NME5: variants seen among roughly 807,000 people sequenced by gnomAD.
NME5 encodes nucleoside diphosphate kinase 5.
NME5 carries 18 observed loss-of-function variants against 21.6 expected under a neutral mutation model. The observed-to-expected ratio is 0.83, with a 90% CI of 0.58 to 1.24. The LOEUF (loss-of-function observed/expected upper bound fraction) is 1.24, where lower values mean the gene tolerates loss of function less well. Among genes scored for constraint, NME5 ranks in the 50% most tolerant of loss-of-function variants. The pLI, the probability that NME5 is intolerant of heterozygous loss-of-function variation, is 0.00. For synonymous variants in NME5, 70 were observed against 80.6 expected (o/e 0.87, Z 0.71); for missense variants, 223 against 255.4 (o/e 0.87, Z 0.86).
chr5:138,133,835 G>A (rs1224325415), intron 2 of NME5, among the ~76,000 whole-genome samples: 1 of 152,174 alleles, frequency 6.6e-6, no homozygotes, highest in Admixed American at 6.5e-5. Flanking sequence ...ATGGGGAAGA[G>A]GGAAGCAACG....
rs1338292904 is a variant in NME5 at position 138,129,404 on chromosome 5, A to C, written c.194T>G (p.Met65Arg). ...SNFYVEKYGK[M>R]FFPNLTAYMS... The stretch of plus-strand genomic sequence containing the variant: ...GTAAGCTGTTAAGTTGGGGAAAAAC[A>C]TTTTTCCATACTTTTCCACATAAAA... Residue 65 changes from methionine to arginine, a missense_variant, in exon 3 of 6, where the codon ATG becomes AGG. By Grantham distance (91) the Met-to-Arg change is moderately conservative. Coordinates refer to ENST00000265191, the MANE Select transcript of NME5 (RefSeq NM_003551.3). 3 of 1,613,886 alleles carry C rather than the reference A, an allele frequency of 1.9e-6. No homozygotes were observed. The highest frequency in any genetic ancestry group is 2.5e-6 in the Non-Finnish European group (3 of 1,179,956).
intron 4 of NME5, among the ~76,000 whole-genome samples, chr5:138,119,338 C>A (rs886279127): frequency 2.0e-5 from 3 of 151,770 alleles, no homozygotes; most frequent in African/African-American, 7.3e-5. Flanking sequence ...CCTAAGTAGA[C>A]AGGAGTGTGC....
intron 5 of NME5, among the ~76,000 whole-genome samples, chr5:138,117,528 A>G (rs1751188378): frequency 6.6e-6 from 1 of 152,168 alleles, no homozygotes; most frequent in Non-Finnish European, 1.5e-5. Flanking sequence ...CAGTTTAAAA[A>G]TGGGCAAAGG....
At chr5:138,125,888 A>C (rs1335594637) in intron 4 of NME5, among the ~76,000 whole-genome samples, 1 of 152,224 alleles carries the variant, frequency 6.6e-6, no homozygotes, top group African/African-American at 2.4e-5. Context: ...TGTTGTGATC[A>C]CAGTTGTGAG....
At chr5:138,116,597 C>A (rs1020481353) in intron 5 of NME5, 1 of 152,102 alleles carries the variant, frequency 6.6e-6, no homozygotes, top group African/African-American at 2.4e-5. Flanking sequence ...AGCACATATA[C>A]CAAAACTGGA....
chr5:138,130,512 G>A (rs1029058924), intron 2 of NME5, among the ~76,000 whole-genome samples: 2 of 152,188 alleles, frequency 1.3e-5, no homozygotes, highest in Non-Finnish European at 2.9e-5. Flanking sequence ...AATTAGGCCA[G>A]GCATGGTGGC....
intron 2 of NME5, among the ~76,000 whole-genome samples, chr5:138,135,270 A>T (rs1751671095): frequency 7.1e-6 from 1 of 140,920 alleles, no homozygotes; most frequent in Non-Finnish European, 1.5e-5. Flanking sequence ...GTGAGCCGAG[A>T]TTGCGCCACT....
chr5:138,138,539 CTT>C, intron 2 of NME5, 111 bp downstream of exon 2: 2 of 873,756 alleles, frequency 2.3e-6, no homozygotes, highest in African/African-American at 1.7e-5. Context: ...GAAGAATAAA[CTT>C]AAATTTAATG....
chr5:138,127,754 G>A (rs1168115392), intron 4 of NME5: 2 of 855,602 alleles, frequency 2.3e-6, no homozygotes, highest in African/African-American at 1.8e-5. Context: ...TCAATTGCAT[G>A]AGACTTTGTT....
intron 5 of NME5, 87 bp from the exon 6 acceptor site, chr5:138,115,851 G>A: frequency 2.4e-6 from 2 of 819,326 alleles, no homozygotes; most frequent in Middle Eastern, 2.6e-4. Context: ...AACTTAAACA[G>A]TTTTCAAAAT....
chr5:138,133,153 T>C (rs1751611996), intron 2 of NME5, among the ~76,000 whole-genome samples: 2 of 151,700 alleles, frequency 1.3e-5, no homozygotes, highest in Admixed American at 1.3e-4. Context: ...CAGGCTTGAG[T>C]GCAGTGGCGC....
intron 5 of NME5, among the ~76,000 whole-genome samples, chr5:138,118,493 ATT>A (rs925234365): frequency 6.8e-6 from 1 of 147,658 alleles, no homozygotes; most frequent in Non-Finnish European, 1.5e-5. Context: ...AGAAAAAAAA[ATT>A]TTTTTTTTGA....
chr5:138,139,298 G>A, intron 1 of NME5, 73 bp downstream of exon 1: 2 of 900,102 alleles, frequency 2.2e-6, no homozygotes, highest in South Asian at 1.0e-4. Context: ...TTGAAAAGCA[G>A]GGCCTCTAGG....
rs1456130354 is a variant in NME5, at chr5:138,128,509, C to A, written c.406G>T (p.Glu136Ter). Residue 136 changes from glutamate (E) to a stop codon, truncating the protein, a stop_gained, in exon 4 of 6, where the codon GAA becomes TAA. Transcript: ENST00000265191. LOFTEE classifies it high-confidence loss of function. ...GGAAACATAAAACGTATTTCTCTTTCCGCAGCAGCAAAGTCATTACTCCCA... is the reference window on the plus strand; with the variant it reads ...GGAAACATAAAACGTATTTCTCTTTACGCAGCAGCAAAGTCATTACTCCCA... ...LHGSNDFAAA[E>*]REIRFMFPEV... 1 of 1,613,316 alleles carries A rather than the reference C, an allele frequency of 6.2e-7. No homozygotes were observed.
intron 4 of NME5, among the ~76,000 whole-genome samples, chr5:138,120,487 C>G (rs1487943328): frequency 6.6e-6 from 1 of 152,094 alleles, no homozygotes; most frequent in East Asian, 1.9e-4. Context: ...AGCCGCCTGC[C>G]TCGGCCTCCC....
At chr5:138,127,450 A>G in intron 4 of NME5, 3 of 975,758 alleles carry the variant, frequency 3.1e-6, no homozygotes, top group Non-Finnish European at 3.7e-6. Flanking sequence ...TCTCCAAGAC[A>G]GTTTTCTGTT....
chr5:138,124,234 C>G (rs1377564723), intron 4 of NME5, among the ~76,000 whole-genome samples: 1 of 151,598 alleles, frequency 6.6e-6, no homozygotes, highest in Non-Finnish European at 1.5e-5. Context: ...AATTCCTGAC[C>G]TCAGGTGATC....
chr5:138,129,348 A>C lies in NME5; in HGVS notation c.250T>G (p.Leu84Val), dbSNP rs1258576732. Residue 84 changes from leucine (L) to valine (V), a missense_variant, in exon 3 of 6, where the codon TTA becomes GTA. By Grantham distance (32) the Leu-to-Val change is conservative. Transcript: ENST00000265191. ...MSSGPLVAMILARHKAISYWL... is the reference protein window; with the variant it reads ...MSSGPLVAMIVARHKAISYWL... The stretch of plus-strand genomic sequence containing the variant: ...TAAGAGATGGCTTTATGTCTAGCTA[A>C]TATCATGGCGACAAGTGGTCCAGAA... 2.2e-5 allele frequency: 35 copies of C among 1,613,962 alleles called. No homozygotes were observed. The highest frequency in any genetic ancestry group is 2.9e-5 in the Non-Finnish European group (34 of 1,179,948).
intron 2 of NME5, among the ~76,000 whole-genome samples, chr5:138,138,038 A>G (rs529713192): frequency 1.3e-5 from 2 of 152,122 alleles, no homozygotes; most frequent in Admixed American, 6.5e-5. Flanking sequence ...AAAGAGGAAG[A>G]TTAAAAATAT....
Sources: gnomAD v4.1 joint callset for allele counts (sites outside exome capture counted in the v4.1 genomes callset) on GRCh38, gnomAD v4.1.1 for gene constraint, MANE v1.5 for transcripts, NCBI Gene and HGNC (gene_info 2026-07-23, HGNC 2026-07-21) for gene names.